Variants in DIP2A observed in about 807,000 individuals in gnomAD.
DIP2A encodes disco-interacting protein 2 homolog A.
A neutral mutation model predicts 177.4 loss-of-function variants in DIP2A; 85 were observed. The ratio of observed to expected loss-of-function variants is 0.48; its 90% CI spans 0.40 to 0.57. The LOEUF is 0.57. Ranked by LOEUF, DIP2A falls within the 20% of genes least tolerant of loss-of-function variation. The pLI is 0.00. For synonymous variants in DIP2A, 886 were observed against 881.8 expected, an observed-to-expected ratio of 1.00 and a Z score of -0.08; for missense variants, 1,791 against 2,100.2, an observed-to-expected ratio of 0.85 and a Z score of 2.88.
chr21:46,557,321 C>A lies in DIP2A; in HGVS notation c.3629+252C>A. On this transcript the variant is annotated intron_variant, in intron 30 of 37. Coordinates refer to ENST00000417564, the MANE Select transcript of DIP2A (RefSeq NM_015151.4). This position sits in a 1 kb window ranked among gnomAD's most constrained non-coding sequence, Gnocchi z 6.0. ...GATTCCTTCAAACACTAGAAAGTGG[C>A]GATCCGTCTCTAGAAGTGAATGCCT... The A allele has an allele frequency of 1.6e-6, 1 of 619,146 alleles. No individual in the cohort carries two copies. Among genetic ancestry groups the A allele is most frequent in the East Asian group, 2.8e-5 (1 of 36,100 alleles). 38.4% of individuals were successfully genotyped at this position (619,146 alleles called of 1,614,324 possible).
chr21:46,530,695 T>C (rs1297871209), intron 9 of DIP2A, among the ~76,000 whole-genome samples: 1 of 151,970 alleles, frequency 6.6e-6, no homozygotes, highest in African/African-American at 2.4e-5. Flanking sequence ...TAAATGAAAA[T>C]AGTAATTCAG....
chr21:46,477,620 C>T (rs1343534261), intron 1 of DIP2A, among the ~76,000 whole-genome samples: 1 of 135,268 alleles, frequency 7.4e-6, no homozygotes, highest in East Asian at 2.3e-4. Context: ...GTCGCCCAGG[C>T]TGGAGTACAG....
intron 1 of DIP2A, among the ~76,000 whole-genome samples, chr21:46,465,431 G>C (rs558181427): frequency 1.3e-3 from 191 of 152,140 alleles, no homozygotes; most frequent in African/African-American, 4.3e-3. Flanking sequence ...AAAATTAGCT[G>C]GTCATGGTGG....
At chr21:46,502,432 T>G (rs577161509) in intron 5 of DIP2A, among the ~76,000 whole-genome samples, 25 of 138,338 alleles carry the variant, frequency 1.8e-4, no homozygotes, top group African/African-American at 6.7e-4. Context: ...GCACAGCTAG[T>G]GTTGATTTTT....
rs185926364 is a variant in DIP2A, at chr21:46,549,767, G to T, written c.2523-4G>T. On this transcript the variant is annotated splice_polypyrimidine_tract_variant and splice_region_variant and intron_variant, in intron 21 of 37. Coordinates refer to ENST00000417564, the MANE Select transcript of DIP2A (RefSeq NM_015151.4). ...TGTGGCCATTTCCATGTCTCATCCC[G>T]CAGGATCGCTGTGTTCTCTGTGACC... 2 of 1,613,414 alleles carry T rather than the reference G, an allele frequency of 1.2e-6. No homozygotes were observed. Among genetic ancestry groups the T allele is most frequent in the Non-Finnish European group, 1.7e-6 (2 of 1,179,900 alleles).
At chr21:46,562,971 T>C (rs2060717706) in intron 34 of DIP2A, among the ~76,000 whole-genome samples, 1 of 152,230 alleles carries the variant, frequency 6.6e-6, no homozygotes, top group African/African-American at 2.4e-5. Context: ...CCCTGCCATG[T>C]ACAGCCGCAC....
rs752298042 is a variant in DIP2A at position 46,537,431 on chromosome 21, TG to T, written c.1708-14del. ...CTCGGGCCCACTCGCCCTAAGCATG[TG>T]TGCTCCCCCACAGAGCGTCATGAAC... On this transcript the variant is annotated splice_polypyrimidine_tract_variant and intron_variant, in intron 14 of 37. Coordinates refer to ENST00000417564, the MANE Select transcript of DIP2A (RefSeq NM_015151.4). This position sits in a 1 kb window ranked among gnomAD's most constrained non-coding sequence, Gnocchi z 4.1. The T allele has an allele frequency of 6.8e-6, 11 of 1,613,846 alleles. No homozygotes were observed. The South Asian group carries it at 1.2e-4, about 18-fold the overall frequency.
chr21:46,537,276 T>C lies in DIP2A; in HGVS notation c.1695T>C (p.His565=), dbSNP rs536981188. The C allele has an allele frequency of 5.6e-6, 9 of 1,614,056 alleles. No individual in the cohort carries two copies. The African/African-American group carries it at 1.1e-4, about 19-fold the overall frequency. The change falls in exon 14 of 38, where the codon CAT becomes CAC. Residue 565 remains histidine (H), a synonymous_variant. Coordinates refer to ENST00000417564, the MANE Select transcript of DIP2A (RefSeq NM_015151.4). This position sits in a 1 kb window ranked among gnomAD's most constrained non-coding sequence, Gnocchi z 4.1. ...TCAAAAGGGATGCTGGTCTGTGGCA[T>C]GGCGTGTTAACAGTGAGTGTTGTTT... ...LDFKRDAGLW[H]GVLTSVMNRM...
intron 16 of DIP2A, chr21:46,539,269 TG>T (rs1282831410): frequency 6.1e-6 from 1 of 162,682 alleles, no homozygotes; most frequent in African/African-American, 2.4e-5. Context: ...TTTGTTAACC[TG>T]CATCATTGTC....
Position 46,567,373 on chromosome 21 carries a change from C to T in DIP2A, c.4467C>T (p.Ala1489=), listed in dbSNP as rs772916246. 2.7e-5 allele frequency: 43 copies of T among 1,612,596 alleles called. No individual in the cohort carries two copies. In the East Asian group the frequency reaches 7.4e-4, roughly 28 times the overall value. ...CCAGTCTGTCTTCTCTCTGCAGTGC[C>T]GTATTCACCTGGACCAACCTGCTGG... ...IRAHRSIAEC[A]VFTWTNLLVV... The change falls in exon 38 of 38, where the codon GCC becomes GCT. Residue 1489 remains alanine (A), a synonymous_variant. Coordinates refer to ENST00000417564, the MANE Select transcript of DIP2A (RefSeq NM_015151.4).
intron 1 of DIP2A, among the ~76,000 whole-genome samples, chr21:46,472,041 A>T (rs569428683): frequency 4.6e-5 from 7 of 152,262 alleles, no homozygotes; most frequent in Non-Finnish European, 7.3e-5. Flanking sequence ...GGTATGCTGA[A>T]GCCCTAACCC....
intron 28 of DIP2A, 163 bp from the exon 29 acceptor site, chr21:46,555,819 C>G: frequency 3.1e-6 from 2 of 652,060 alleles, no homozygotes; most frequent in Non-Finnish European, 5.6e-6. Context: ...ATACGCTTTC[C>G]TGAGCACGCA....
Position 46,561,758 on chromosome 21 carries a change from G to T in DIP2A, c.4042G>T (p.Val1348Leu), listed in dbSNP as rs544897121. The T allele has an allele frequency of 9.3e-6, 15 of 1,613,948 alleles. No homozygotes were observed. In the Admixed American group the frequency reaches 1.7e-4, roughly 18 times the overall value. ...TCCCTTAATTTTTAGGGTTCGTTTG[G>T]TAGAACGGGGTTCTCCGCACAGCCT... ...RALRHDRVRL[V>L]ERGSPHSLPL... The change falls in exon 34 of 38, where the codon GTA (valine) becomes TTA (leucine). Residue 1348 changes from valine to leucine, a missense_variant. Physicochemically the swap from Val to Leu is conservative, Grantham distance 32. Transcript: ENST00000417564.
At chr21:46,483,555 A>G (rs2148427063) in intron 1 of DIP2A, among the ~76,000 whole-genome samples, 1 of 152,338 alleles carries the variant, frequency 6.6e-6, no homozygotes, top group Admixed American at 6.5e-5. Context: ...TGCTTGGCCC[A>G]CAGGCCGTGG....
chr21:46,506,772 CTTTTCT>C (rs1568994867), intron 6 of DIP2A, among the ~76,000 whole-genome samples: 2 of 60,600 alleles, frequency 3.3e-5, no homozygotes, highest in Admixed American at 1.9e-4. Flanking sequence ...TTCTTTCTTT[CTTTTCT>C]TTTCTTTCTT....
chr21:46,507,803 C>A (rs577667373), intron 6 of DIP2A, among the ~76,000 whole-genome samples: 1 of 146,088 alleles, frequency 6.8e-6, no homozygotes, highest in Non-Finnish European at 1.5e-5. Flanking sequence ...TGGTGTCAAG[C>A]GATTCTCCTG....
rs145294106 is a variant in DIP2A, at chr21:46,558,839, C to T, written c.3969+446C>T. The T allele has an allele frequency of 4.1e-3, 998 of 240,494 alleles. 13 individuals are homozygous for T. The highest frequency in any genetic ancestry group is 0.023 in the African/African-American group (951 of 42,222). 14.9% of individuals were successfully genotyped at this position (240,494 alleles called of 1,614,324 possible). A position where few individuals can be genotyped will look rare whatever the true frequency, so the allele number is the denominator to read the frequency against. ...TCAGGCCAGGAGTGGTGGCTCATGC[C>T]TATAATCCCAGCACTTTGGGAGGCT... is the stretch of plus-strand genomic sequence containing the variant. On this transcript the variant is annotated intron_variant, in intron 32 of 37. Transcript: ENST00000417564.
intron 1 of DIP2A, among the ~76,000 whole-genome samples, chr21:46,477,876 C>A (rs2056044126): frequency 6.6e-6 from 1 of 152,052 alleles, no homozygotes; most frequent in South Asian, 2.1e-4. Flanking sequence ...AGCCACCACG[C>A]CCGGCCATCT....
rs2060673129 is a variant in DIP2A at position 46,561,773 on chromosome 21, C to T, written c.4057C>T (p.Pro1353Ser). ...DRVRLVERGS[P>S]HSLPLMESGK... is the part of the protein sequence containing the mutation. ...GGTTCGTTTGGTAGAACGGGGTTCT[C>T]CGCACAGCCTGCCATTGATGGAGTC... Residue 1353 changes from proline to serine, a missense_variant, in exon 34 of 38, where the codon CCG (proline) becomes TCG (serine). Physicochemically the swap from Pro to Ser is moderately conservative, Grantham distance 74. Coordinates refer to ENST00000417564, the MANE Select transcript of DIP2A (RefSeq NM_015151.4). 1 of 1,613,862 alleles carries T rather than the reference C, an allele frequency of 6.2e-7. No individual in the cohort carries two copies.
Sources: allele counts gnomAD v4.1 joint callset (sites outside exome capture counted in the v4.1 genomes callset), GRCh38; gene constraint gnomAD v4.1.1; non-coding constraint Gnocchi (gnomAD v3.1); transcripts MANE v1.5; gene names NCBI Gene and HGNC (gene_info 2026-07-23, HGNC 2026-07-21).